FER: variants seen among roughly 807,000 people sequenced by gnomAD.
FER encodes the protein FER tyrosine kinase.
FER carries 63 observed loss-of-function variants against 111.0 expected under a neutral mutation model. The observed-to-expected ratio is 0.57, with a 90% CI of 0.46 to 0.70. The LOEUF is 0.70. Ranked by LOEUF, FER falls within the 30% of genes least tolerant of loss-of-function variation. The probability of loss-of-function intolerance (pLI) is 0.00; values close to 1 mark genes in which losing one functional copy is unlikely to be tolerated. For missense variants in FER, 914 were observed against 954.0 expected (o/e 0.96, Z 0.55); for synonymous variants, 327 against 313.9 (o/e 1.04, Z -0.44).
At chr5:108,954,178 C>T (rs917277205) in intron 11 of FER, among the ~76,000 whole-genome samples, 1 of 151,950 alleles carries the variant, frequency 6.6e-6, no homozygotes, top group African/African-American at 2.4e-5. Flanking sequence ...CAGGGCCAGC[C>T]ATGTGGCAGA....
intron 17 of FER, among the ~76,000 whole-genome samples, chr5:109,148,570 T>C (rs538324207): frequency 6.6e-6 from 1 of 152,326 alleles, no homozygotes; most frequent in South Asian, 2.1e-4. Context: ...CCTAGAGTTG[T>C]GTGGGACACT....
chr5:109,017,206 G>T (rs1767263653), intron 13 of FER, among the ~76,000 whole-genome samples: 1 of 151,934 alleles, frequency 6.6e-6, no homozygotes, highest in Non-Finnish European at 1.5e-5. Flanking sequence ...GTGAGCTTGA[G>T]AGGATTGCAG....
chr5:109,107,491 A>C (rs555511674), intron 17 of FER, among the ~76,000 whole-genome samples: 1 of 151,846 alleles, frequency 6.6e-6, no homozygotes, highest in African/African-American at 2.4e-5. Flanking sequence ...TCCACCCTCT[A>C]CCCTCAAGTA....
intron 13 of FER, among the ~76,000 whole-genome samples, chr5:108,980,516 A>T (rs1761910604): frequency 6.6e-6 from 1 of 152,156 alleles, no homozygotes; most frequent in African/African-American, 2.4e-5. Flanking sequence ...CCAAAATAGC[A>T]CTTACTATTT....
At chr5:108,771,675 C>T (rs1752915919) in intron 2 of FER, among the ~76,000 whole-genome samples, 1 of 152,278 alleles carries the variant, frequency 6.6e-6, no homozygotes, top group Non-Finnish European at 1.5e-5. Flanking sequence ...ACCTATATTA[C>T]CTTTTACCTG....
At chr5:108,797,978 T>A in intron 2 of FER, 146 bp from the exon 3 acceptor site, 2 of 487,500 alleles carry the variant, frequency 4.1e-6, no homozygotes. Flanking sequence ...GGTGGACTTC[T>A]TCATCTTGTT....
intron 10 of FER, among the ~76,000 whole-genome samples, chr5:108,900,813 A>T (rs187732297): frequency 6.6e-6 from 1 of 152,328 alleles, no homozygotes; most frequent in African/African-American, 2.4e-5. Flanking sequence ...GGGGTTGTAT[A>T]GTCAAGTTCT....
At chr5:108,837,831 A>G (rs555471456) in intron 5 of FER, among the ~76,000 whole-genome samples, 13 of 152,182 alleles carry the variant, frequency 8.5e-5, no homozygotes, top group East Asian at 1.9e-4. Context: ...AGGCAACGAG[A>G]GAATCTGAAG....
At chr5:109,098,075 A>G (rs1421378830) in intron 16 of FER, among the ~76,000 whole-genome samples, 1 of 151,822 alleles carries the variant, frequency 6.6e-6, no homozygotes, top group East Asian at 1.9e-4. Flanking sequence ...CTACAGAACA[A>G]TCAGAAACCC....
intron 16 of FER, among the ~76,000 whole-genome samples, chr5:109,072,525 T>G (rs755961458): frequency 6.6e-6 from 1 of 151,928 alleles, no homozygotes; most frequent in Non-Finnish European, 1.5e-5. Context: ...TGAAATCTTA[T>G]GCCTTAATCA....
At position 108,992,620 on chromosome 5, in the gene FER, C is replaced by T. The variant is rs544636130; in HGVS notation, c.1656+33273C>T. On this transcript the variant is annotated intron_variant, in intron 13 of 19. Transcript: ENST00000281092. ...TTACCTCCCAGATGGGGCGGCTGGC[C>T]GGGCGGGGGGCTGACCACCCCACCT... 4.2e-3 allele frequency among the ~76,000 whole-genome samples: 615 copies of T among 146,170 alleles called. 4 individuals are homozygous for T. The highest frequency in any genetic ancestry group is 0.014 in the African/African-American group (581 of 40,130).
intron 16 of FER, among the ~76,000 whole-genome samples, chr5:109,079,805 A>G (rs1050806666): frequency 2.6e-5 from 4 of 152,110 alleles, no homozygotes; most frequent in South Asian, 2.1e-4. Flanking sequence ...CTGCCCTGCA[A>G]TGTAGCTGTC....
intron 17 of FER, among the ~76,000 whole-genome samples, chr5:109,174,578 CT>C: frequency 6.6e-6 from 1 of 152,282 alleles, no homozygotes; most frequent in East Asian, 1.9e-4. Flanking sequence ...ACAGGCAATC[CT>C]ACTGTCCTTC....
At chr5:108,790,511 T>C (rs1180794088) in intron 2 of FER, among the ~76,000 whole-genome samples, 1 of 152,190 alleles carries the variant, frequency 6.6e-6, no homozygotes, top group Non-Finnish European at 1.5e-5. Context: ...TTTTACTGCC[T>C]GAAATTCTAG....
intron 3 of FER, among the ~76,000 whole-genome samples, chr5:108,828,212 T>C (rs1171623842): frequency 1.3e-5 from 2 of 152,190 alleles, no homozygotes; most frequent in Admixed American, 6.5e-5. Flanking sequence ...ATTTACTTTT[T>C]GTACTTTGTT....
chr5:109,193,508 T>A lies in FER; in HGVS notation c.*5933T>A, dbSNP rs1458793859. On this transcript the variant is annotated 3_prime_UTR_variant, in exon 20 of 20. Coordinates refer to ENST00000281092, the MANE Select transcript of FER (RefSeq NM_005246.4). ...TTCTAACTATCTTCTCAAATATTAC[T>A]GAGGCCAGCAAGATGCAAGTGTTCT... The A allele has an allele frequency of 6.6e-6, 1 of 152,212 alleles. No individual in the cohort carries two copies. The highest frequency in any genetic ancestry group is 2.1e-4 in the South Asian group (1 of 4,828). 9.4% of individuals were successfully genotyped at this position (152,212 alleles called of 1,614,324 possible). A position where few individuals can be genotyped will look rare whatever the true frequency, so the allele number is the denominator to read the frequency against.
At chr5:108,841,808 CT>C in intron 5 of FER, 6 of 421,256 alleles carry the variant, frequency 1.4e-5, no homozygotes, top group Middle Eastern at 3.4e-4. Flanking sequence ...GTCTTCCTTT[CT>C]TTTTTTCCTA....
intron 16 of FER, among the ~76,000 whole-genome samples, chr5:109,079,737 A>C (rs1399227076): frequency 6.6e-6 from 1 of 152,058 alleles, no homozygotes; most frequent in African/African-American, 2.4e-5. Context: ...TCTGTTCAGC[A>C]CAGAAAATAT....
At chr5:108,916,558 A>G (rs141578526) in intron 10 of FER, among the ~76,000 whole-genome samples, 1 of 152,246 alleles carries the variant, frequency 6.6e-6, no homozygotes, top group African/African-American at 2.4e-5. Context: ...TCAATTATCT[A>G]TTAATTATGT....
Sources: allele counts gnomAD v4.1 joint callset (sites outside exome capture counted in the v4.1 genomes callset), GRCh38; gene constraint gnomAD v4.1.1; transcripts MANE v1.5; gene names NCBI Gene and HGNC (gene_info 2026-07-23, HGNC 2026-07-21).